Variants in RAI14 observed in about 807,000 individuals in gnomAD.
The protein encoded by RAI14 is retinoic acid induced 14, also known as ankycorbin.
In RAI14, 45 loss-of-function variants were observed where a neutral mutation model predicts 115.4. The observed-to-expected ratio is 0.39, with a 90% CI of 0.31 to 0.50. The LOEUF is 0.50. Ranked by LOEUF, RAI14 falls within the 20% of genes least tolerant of loss-of-function variation. RAI14 has a pLI of 0.85. For synonymous variants in RAI14, 371 were observed against 415.4 expected (o/e 0.89, Z 1.30); for missense variants, 939 against 1,131.2 (o/e 0.83, Z 2.44).
At chr5:34,781,824 G>A (rs1050727084) in intron 3 of RAI14, among the ~76,000 whole-genome samples, 1 of 152,186 alleles carries the variant, frequency 6.6e-6, no homozygotes, top group African/African-American at 2.4e-5. Context: ...AGCACTAGAG[G>A]AATTAAAGAC....
In RAI14 at chr5:34,738,315, G is replaced by A. The variant is rs114903368; in HGVS notation, c.37-19153G>A. Among the ~76,000 whole-genome samples, 514 of 152,236 alleles carry A rather than the reference G, an allele frequency of 3.4e-3. 2 individuals carry two copies. Among genetic ancestry groups the A allele is most frequent in the African/African-American group, 0.01 (431 of 41,548 alleles). On this transcript the variant is annotated intron_variant, in intron 2 of 17. Coordinates refer to ENST00000265109, the MANE Select transcript of RAI14 (RefSeq NM_015577.3). ...ATATTTCTGTCCAAAATAAAAAAGC[G>A]GAAGGAAAAGCTGTAGTTATTGTTC...
chr5:34,674,592 T>G (rs902386589), intron 1 of RAI14, among the ~76,000 whole-genome samples: 4 of 150,466 alleles, frequency 2.7e-5, no homozygotes, highest in East Asian at 1.9e-4. Flanking sequence ...TTTTGTTTTT[T>G]TTTTTTTTTT....
At position 34,823,531 on chromosome 5, in the gene RAI14, G is replaced by A. The variant is rs1757132688; in HGVS notation, c.1689G>A (p.Arg563=). The A allele has an allele frequency of 1.9e-6, 3 of 1,614,000 alleles. No homozygotes were observed. Among genetic ancestry groups the A allele is most frequent in the Admixed American group, 1.7e-5 (1 of 60,002 alleles). ...VRELEEKLVE[R]EKGTVIKPPV... ...AGTTAGAGGAAAAACTGGTAGAGAG[G>A]GAGAAAGGTACAGTGATTAAGCCAC... The change falls in exon 15 of 18, where the codon AGG becomes AGA. Residue 563 remains arginine (R), a synonymous_variant. Coordinates refer to ENST00000265109, the MANE Select transcript of RAI14 (RefSeq NM_015577.3). The surrounding 1 kb of genome is among the most constrained non-coding windows in gnomAD (Gnocchi z 4.5).
At chr5:34,809,029 G>T (rs1440314558) in intron 7 of RAI14, among the ~76,000 whole-genome samples, 1 of 152,218 alleles carries the variant, frequency 6.6e-6, no homozygotes, top group African/African-American at 2.4e-5. Context: ...CTGATCTGCA[G>T]CCCCTGGGTT....
At position 34,791,616 on chromosome 5, in the gene RAI14, TCAGGGTCCTAG is replaced by T. The variant is rs1405944849; in HGVS notation, c.168-4318_168-4308del. On this transcript the variant is annotated intron_variant, in intron 3 of 17. Transcript: ENST00000265109. The surrounding 1 kb of genome is among the most constrained non-coding windows in gnomAD (Gnocchi z 5.4). ...ACAAAATACCCAACCCTGCTGTCAT[TCAGGGTCCTAG>T]CAGGAACAGGTAGCATCAAATAGGA... 6.6e-6 allele frequency among the ~76,000 whole-genome samples: 1 copy of T among 152,158 alleles called. No individual in the cohort carries two copies. Among genetic ancestry groups the T allele is most frequent in the African/African-American group, 2.4e-5 (1 of 41,420 alleles).
At chr5:34,749,302 C>A (rs1477191656) in intron 2 of RAI14, among the ~76,000 whole-genome samples, 2 of 152,188 alleles carry the variant, frequency 1.3e-5, no homozygotes, top group African/African-American at 2.4e-5. Context: ...GTTTTGGCAT[C>A]TTTTCTCAAG....
chr5:34,766,831 G>A (rs1749443443), intron 3 of RAI14, among the ~76,000 whole-genome samples: 1 of 152,094 alleles, frequency 6.6e-6, no homozygotes, highest in East Asian at 1.9e-4. Flanking sequence ...ATCTAAAATT[G>A]TACTCCCATA....
At chr5:34,793,375 G>T (rs1204479285) in intron 3 of RAI14, among the ~76,000 whole-genome samples, 1 of 152,124 alleles carries the variant, frequency 6.6e-6, no homozygotes, top group African/African-American at 2.4e-5. Context: ...ACCCATAAAA[G>T]ACTATGTAAT....
chr5:34,725,802 C>T (rs994923920), intron 2 of RAI14, among the ~76,000 whole-genome samples: 1 of 151,514 alleles, frequency 6.6e-6, no homozygotes, highest in African/African-American at 2.4e-5. Flanking sequence ...CCTGTTTCTA[C>T]TAAATACAAA....
chr5:34,702,405 G>C (rs2149934413), intron 2 of RAI14, among the ~76,000 whole-genome samples: 1 of 152,326 alleles, frequency 6.6e-6, no homozygotes, highest in Middle Eastern at 3.4e-3. Flanking sequence ...GCTTGAACCT[G>C]GGAGGTGGAG....
chr5:34,683,941 A>T (rs1744592361), intron 1 of RAI14, among the ~76,000 whole-genome samples: 1 of 152,080 alleles, frequency 6.6e-6, no homozygotes, highest in African/African-American at 2.4e-5. Context: ...GTTAGCCAGG[A>T]TGATCTCGAT....
intron 1 of RAI14, among the ~76,000 whole-genome samples, chr5:34,681,356 C>T (rs1035196340): frequency 6.6e-6 from 1 of 152,100 alleles, no homozygotes; most frequent in African/African-American, 2.4e-5. Flanking sequence ...AGAACTTGGT[C>T]TGTGGTATGG....
chr5:34,731,898 C>T (rs986081765), intron 2 of RAI14, among the ~76,000 whole-genome samples: 8 of 152,182 alleles, frequency 5.3e-5, no homozygotes, highest in East Asian at 1.9e-4. Context: ...AGTCCTGATG[C>T]GGCCAGGGGG....
At chr5:34,786,795 C>T (rs572924940) in intron 3 of RAI14, among the ~76,000 whole-genome samples, 3 of 152,280 alleles carry the variant, frequency 2.0e-5, no homozygotes, top group African/African-American at 7.2e-5. Context: ...TGCTAGAGGA[C>T]TTAAAGACAC....
chr5:34,719,633 T>G (rs1452813540), intron 2 of RAI14, among the ~76,000 whole-genome samples: 1 of 152,156 alleles, frequency 6.6e-6, no homozygotes, highest in Non-Finnish European at 1.5e-5. Flanking sequence ...GCTAAGACCT[T>G]AACACAAAGA....
At chr5:34,681,340 TTG>T (rs1304413952) in intron 1 of RAI14, among the ~76,000 whole-genome samples, 2 of 152,298 alleles carry the variant, frequency 1.3e-5, no homozygotes, top group Admixed American at 6.5e-5. Context: ...TTTCTTATGC[TTG>T]TTCAGAACTT....
intron 9 of RAI14, 82 bp downstream of exon 9, chr5:34,812,027 G>T: frequency 7.6e-7 from 1 of 1,313,100 alleles, no homozygotes; most frequent in Non-Finnish European, 1.1e-6. Context: ...TGTGCAATAT[G>T]ATATATTTTA....
At chr5:34,808,288 T>A (rs145127062) in intron 6 of RAI14, among the ~76,000 whole-genome samples, 2 of 152,246 alleles carry the variant, frequency 1.3e-5, no homozygotes, top group Non-Finnish European at 2.9e-5. Context: ...TGATTAGATT[T>A]ACACATGTGT....
intron 2 of RAI14, among the ~76,000 whole-genome samples, chr5:34,692,490 C>T (rs1204382928): frequency 1.3e-5 from 2 of 152,026 alleles, no homozygotes; most frequent in South Asian, 2.1e-4. Context: ...GCCGAGATCA[C>T]GCCACTGCAC....
Sources: gnomAD v4.1 joint callset for allele counts (sites outside exome capture counted in the v4.1 genomes callset) on GRCh38, gnomAD v4.1.1 for gene constraint, Gnocchi (gnomAD v3.1) non-coding constraint, MANE v1.5 for transcripts, NCBI Gene and HGNC (gene_info 2026-07-23, HGNC 2026-07-21) for gene names.